Variants in PTPN3 observed in about 807,000 individuals in gnomAD.
The protein encoded by PTPN3 is tyrosine-protein phosphatase non-receptor type 3.
In PTPN3, 96 loss-of-function variants were observed where a neutral mutation model predicts 132.7. The observed-to-expected ratio is 0.72, with a 90% CI of 0.61 to 0.86. The LOEUF is 0.86. PTPN3 is among the 40% of genes least tolerant of loss of function. The pLI is 0.00. For missense variants in PTPN3, 1,125 were observed against 1,159.6 expected (o/e 0.97, Z 0.43); for synonymous variants, 398 against 429.0 (o/e 0.93, Z 0.89).
intron 5 of PTPN3, among the ~76,000 whole-genome samples, chr9:109,454,235 G>T (rs1231813879): frequency 6.6e-6 from 1 of 152,110 alleles, no homozygotes; most frequent in Non-Finnish European, 1.5e-5. Flanking sequence ...GGAAGGAGGT[G>T]GGAGAGGTAG....
intron 1 of PTPN3, among the ~76,000 whole-genome samples, chr9:109,481,747 C>T (rs906526307): frequency 6.6e-6 from 1 of 152,192 alleles, no homozygotes; most frequent in African/African-American, 2.4e-5. Flanking sequence ...CTATGGAATG[C>T]ATGAATAAAT....
chr9:109,498,111 G>C lies in PTPN3; in HGVS notation c.-18+108C>G, dbSNP rs1046126370. On this transcript the variant is annotated intron_variant, in intron 1 of 25. Transcript: ENST00000374541. This position sits in a 1 kb window ranked among gnomAD's most constrained non-coding sequence, Gnocchi z 4.2. ...CACCCGCCAGCCCGCCCGCGCGTCCGCCGCGCGCCCCAGGGACGGGTGGGG... is the reference window on the plus strand; with the variant it reads ...CACCCGCCAGCCCGCCCGCGCGTCCCCCGCGCGCCCCAGGGACGGGTGGGG... 6.9e-6 allele frequency: 1 copy of C among 145,818 alleles called. No individual in the cohort carries two copies. The highest frequency in any genetic ancestry group is 1.5e-5 in the Non-Finnish European group (1 of 65,652). 9.0% of individuals were successfully genotyped at this position (145,818 alleles called of 1,614,324 possible).
the PTPN3 span, among the ~76,000 whole-genome samples, chr9:109,510,570 A>AT: frequency 0.013 from 982 of 77,948 alleles, 5 homozygotes; most frequent in Non-Finnish European, 0.016. Flanking sequence ...AAAAAAAAAA[A>AT]AAAAAAATAT....
At chr9:109,382,276 A>C in intron 24 of PTPN3, 26 bp downstream of exon 24, 1 of 1,610,914 alleles carries the variant, frequency 6.2e-7, no homozygotes, top group Non-Finnish European at 8.5e-7. Context: ...AGGATTCCAA[A>C]CCTAACAAAA....
intron 1 of PTPN3, among the ~76,000 whole-genome samples, chr9:109,474,963 C>T (rs1341090289): frequency 6.6e-6 from 1 of 152,130 alleles, no homozygotes; most frequent in Non-Finnish European, 1.5e-5. Flanking sequence ...AATGTGTATG[C>T]AAATTAACTT....
intron 25 of PTPN3, among the ~76,000 whole-genome samples, chr9:109,380,214 A>AATCAATCT (rs376388495): frequency 1.4e-3 from 207 of 145,900 alleles, no homozygotes; most frequent in African/African-American, 4.4e-3. Flanking sequence ...CAGCTAGGAA[A>AATCAATCT]ATCTATCTAT....
At chr9:109,512,988 T>TATTATA in the PTPN3 span, among the ~76,000 whole-genome samples, 1 of 152,164 alleles carries the variant, frequency 6.6e-6, no homozygotes, top group Non-Finnish European at 1.5e-5. Context: ...TCAAGCTGTG[T>TATTATA]ATTATATCTG....
intron 17 of PTPN3, among the ~76,000 whole-genome samples, chr9:109,407,122 A>G (rs982471152): frequency 6.6e-6 from 1 of 152,246 alleles, no homozygotes; most frequent in African/African-American, 2.4e-5. Flanking sequence ...CAGTAACAAA[A>G]GTTAAATGAC....
At chr9:109,422,423 T>G (rs1002150020) in intron 13 of PTPN3, among the ~76,000 whole-genome samples, 3 of 152,188 alleles carry the variant, frequency 2.0e-5, no homozygotes, top group Non-Finnish European at 4.4e-5. Flanking sequence ...CGTCTCAGAG[T>G]GTTTAATATG....
rs1306517816 is a variant in PTPN3, at chr9:109,402,818, C to T, written c.1953+1630G>A. On this transcript the variant is annotated intron_variant, in intron 19 of 25. Transcript: ENST00000374541. ...GGGTGCAGTGGCTCATGCCTGTAAT[C>T]CTAGCACTTTGGGGGGCTGAGGCAG... Among the ~76,000 whole-genome samples, 5 of 152,098 alleles carry T rather than the reference C, an allele frequency of 3.3e-5. No individual in the cohort carries two copies. In the East Asian group the frequency reaches 7.7e-4, roughly 23 times the overall value.
intron 4 of PTPN3, among the ~76,000 whole-genome samples, chr9:109,456,069 C>T (rs1845545237): frequency 6.6e-6 from 1 of 152,208 alleles, no homozygotes; most frequent in South Asian, 2.1e-4. Context: ...CTTTGAGAAT[C>T]GGGCTCCCTG....
intron 1 of PTPN3, among the ~76,000 whole-genome samples, chr9:109,483,648 C>G (rs1847069078): frequency 6.6e-6 from 1 of 152,124 alleles, no homozygotes; most frequent in Non-Finnish European, 1.5e-5. Context: ...GCAACAAAAT[C>G]AAATCACTCC....
chr9:109,525,317 C>A, the PTPN3 span, among the ~76,000 whole-genome samples: 3 of 152,342 alleles, frequency 2.0e-5, no homozygotes, highest in Non-Finnish European at 4.4e-5. Flanking sequence ...CTCAGTCTCC[C>A]AAAGTGCTAG....
chr9:109,534,061 G>T, the PTPN3 span: 2 of 768,740 alleles, frequency 2.6e-6, no homozygotes, highest in Non-Finnish European at 2.4e-6. Context: ...CTTCGTTTTG[G>T]CAGTCTGGGG....
At chr9:109,485,959 G>A (rs1002941620) in intron 1 of PTPN3, among the ~76,000 whole-genome samples, 2 of 152,188 alleles carry the variant, frequency 1.3e-5, no homozygotes, top group Non-Finnish European at 2.9e-5. Flanking sequence ...CTAAGTTTAC[G>A]ATTGAAAACA....
chr9:109,409,801 A>C (rs1446277074), intron 16 of PTPN3, among the ~76,000 whole-genome samples, 198 bp downstream of exon 16: 1 of 152,032 alleles, frequency 6.6e-6, no homozygotes, highest in Non-Finnish European at 1.5e-5. Flanking sequence ...CGATAAAGTG[A>C]GTTTTTAAAA....
At chr9:109,485,635 C>T (rs1045923989) in intron 1 of PTPN3, among the ~76,000 whole-genome samples, 4 of 152,250 alleles carry the variant, frequency 2.6e-5, no homozygotes, top group Non-Finnish European at 5.9e-5. Context: ...AGCTCCCCTT[C>T]CCCGCCCAGT....
At chr9:109,390,139 G>T (rs10816805) in intron 21 of PTPN3, among the ~76,000 whole-genome samples, 36,706 of 152,042 alleles carry the variant, frequency 0.24, 4,748 homozygotes, top group Non-Finnish European at 0.28. Context: ...TGGTATTGCT[G>T]CCCCTAATGT....
the PTPN3 span, among the ~76,000 whole-genome samples, chr9:109,503,465 G>C: frequency 2.0e-5 from 3 of 152,186 alleles, no homozygotes; most frequent in African/African-American, 7.2e-5. Context: ...AGCACTTTGG[G>C]AGTCCGAAGC....
Sources: gnomAD v4.1 joint callset for allele counts (sites outside exome capture counted in the v4.1 genomes callset) on GRCh38, gnomAD v4.1.1 for gene constraint, Gnocchi (gnomAD v3.1) non-coding constraint, MANE v1.5 for transcripts, NCBI Gene and HGNC (gene_info 2026-07-23, HGNC 2026-07-21) for gene names.